The following CORO7 variants were observed in gnomAD, a reference collection of about 807,000 sequenced individuals.
CORO7 encodes the protein coronin-7.
A neutral mutation model predicts 126.6 loss-of-function variants in CORO7; 107 were observed. The observed-to-expected ratio is 0.85, with a 90% CI of 0.72 to 0.99. The LOEUF (loss-of-function observed/expected upper bound fraction) is 0.99. Among genes scored for constraint, CORO7 ranks in the 50% least tolerant of loss-of-function variants. CORO7 has a pLI of 0.00. For synonymous variants in CORO7, 603 were observed against 536.8 expected (o/e 1.12, Z -1.70); for missense variants, 1,314 against 1,255.8 (o/e 1.05, Z -0.70).
At chr16:4,405,670 C>G (rs2055972107) in intron 5 of CORO7, 103 bp from the exon 6 acceptor site, 2 of 1,413,866 alleles carry the variant, frequency 1.4e-6, no homozygotes, top group Non-Finnish European at 1.9e-6. Flanking sequence ...AAGGCAGCAG[C>G]TACGAGGGTC....
At chr16:4,384,788 G>A (rs912537652) in intron 9 of CORO7, among the ~76,000 whole-genome samples, 1 of 152,224 alleles carries the variant, frequency 6.6e-6, no homozygotes. Flanking sequence ...CAGCCCAGGT[G>A]GATTTCCTGT....
chr16:4,408,222 A>G lies in CORO7; in HGVS notation c.262T>C (p.Phe88Leu). Residue 88 changes from phenylalanine to leucine, a missense_variant, in exon 4 of 28, where the codon TTT (phenylalanine) becomes CTT (leucine). Coordinates refer to ENST00000251166, the MANE Select transcript of CORO7 (RefSeq NM_024535.5). ...CCTGTGGCCAGGAGGAAGTCATCAA[A>G]GGGCGAGAAGTCCAAGTCGGTGACT... ...DLVTDLDFSPFDDFLLATGSA... is the reference protein window; with the variant it reads ...DLVTDLDFSPLDDFLLATGSA... 1 of 1,614,224 alleles carries G rather than the reference A, an allele frequency of 6.2e-7. No homozygotes were observed.
intron 3 of CORO7, among the ~76,000 whole-genome samples, chr16:4,411,553 T>C (rs868272632): frequency 6.6e-6 from 1 of 152,134 alleles, no homozygotes; most frequent in African/African-American, 2.4e-5. Context: ...TTTTTAAAAA[T>C]TTTTTAAAAA....
intron 14 of CORO7, among the ~76,000 whole-genome samples, chr16:4,363,782 GC>G (rs1317766307): frequency 6.6e-6 from 1 of 151,844 alleles, no homozygotes; most frequent in Non-Finnish European, 1.5e-5. Context: ...ACTTTGGGAG[GC>G]CGAGGCGGGT....
chr16:4,356,806 A>T, intron 26 of CORO7: 1 of 263,744 alleles, frequency 3.8e-6, no homozygotes, highest in Non-Finnish European at 7.4e-6. Flanking sequence ...AAGAAGAGAC[A>T]GGGGGAGTAA....
At chr16:4,374,691 A>G (rs913023819) in intron 9 of CORO7, among the ~76,000 whole-genome samples, 4 of 152,138 alleles carry the variant, frequency 2.6e-5, no homozygotes, top group Non-Finnish European at 5.9e-5. Flanking sequence ...CCGCCTGCCC[A>G]TTGATCAGCT....
intron 7 of CORO7, among the ~76,000 whole-genome samples, chr16:4,389,056 C>T (rs1243576321): frequency 6.6e-6 from 1 of 152,198 alleles, no homozygotes; most frequent in African/African-American, 2.4e-5. Flanking sequence ...AAGGGGCTCA[C>T]GATGCGGTGC....
At chr16:4,356,073 C>A (rs2053968259) in intron 26 of CORO7, among the ~76,000 whole-genome samples, 1 of 152,028 alleles carries the variant, frequency 6.6e-6, no homozygotes, top group Admixed American at 6.6e-5. Flanking sequence ...CCTGCCTCAG[C>A]CTCCCAAGTA....
intron 21 of CORO7, among the ~76,000 whole-genome samples, chr16:4,359,879 G>T: frequency 8.3e-6 from 1 of 120,044 alleles, no homozygotes; most frequent in Non-Finnish European, 1.7e-5. Flanking sequence ...AGAGCCCCTT[G>T]TGCACCCCTG....
Position 4,365,000 on chromosome 16 carries a change from T to C in CORO7, c.898+3A>G. ...GGGATGGGGGCGAGGAAGCAAGGCT[T>C]ACCTGGGCTCAGCGCCGGCTGCTGC... is the stretch of plus-strand genomic sequence containing the variant. On this transcript the variant is annotated splice_donor_region_variant and intron_variant, in intron 11 of 27. Coordinates refer to ENST00000251166, the MANE Select transcript of CORO7 (RefSeq NM_024535.5). The C allele has an allele frequency of 1.2e-6, 2 of 1,606,224 alleles. No individual in the cohort carries two copies. The highest frequency in any genetic ancestry group is 1.7e-6 in the Non-Finnish European group (2 of 1,176,860).
At chr16:4,391,868 C>T (rs2055405020) in intron 7 of CORO7, among the ~76,000 whole-genome samples, 2 of 152,350 alleles carry the variant, frequency 1.3e-5, no homozygotes, top group South Asian at 2.1e-4. Flanking sequence ...CCACCTAGCT[C>T]TGAGAATAGG....
chr16:4,381,783 C>T (rs145395137), intron 9 of CORO7: 24 of 1,600,586 alleles, frequency 1.5e-5, no homozygotes, highest in Middle Eastern at 1.6e-4. Flanking sequence ...CCTTCAACTG[C>T]GTGTGCCCCC....
rs560139367 is a variant in CORO7, at chr16:4,388,720, C to T, written c.616-89G>A. On this transcript the variant is annotated intron_variant, in intron 7 of 27. Coordinates refer to ENST00000251166, the MANE Select transcript of CORO7 (RefSeq NM_024535.5). ...ATGGGCCTGAGCTGGGGAACTTCTGCTGCCCACCTGCCTGAAAGCCTCACA... is the reference window on the plus strand; with the variant it reads ...ATGGGCCTGAGCTGGGGAACTTCTGTTGCCCACCTGCCTGAAAGCCTCACA... 3.8e-4 allele frequency: 521 copies of T among 1,354,558 alleles called. 2 individuals carry two copies. In the African/African-American group the frequency reaches 6.9e-3, roughly 18 times the overall value. 83.9% of individuals were successfully genotyped at this position (1,354,558 alleles called of 1,614,324 possible).
intron 10 of CORO7, 38 bp downstream of exon 10, chr16:4,365,453 G>A: frequency 1.3e-6 from 2 of 1,553,476 alleles, no homozygotes; most frequent in Non-Finnish European, 1.7e-6. Context: ...TGGACTCCAG[G>A]CTGTGGATGT....
rs1308236939 is a variant in CORO7, at chr16:4,360,663, C to T, written c.1918-115G>A. On this transcript the variant is annotated intron_variant, in intron 19 of 27. Transcript: ENST00000251166. ...CCGCCCCTCCTCACTGCTGTTCCCG[C>T]CTCTCCTCACTGCTGGTCTTGCCTC... is the stretch of plus-strand genomic sequence containing the variant. 1.2e-5 allele frequency: 17 copies of T among 1,399,036 alleles called. No homozygotes were observed. The East Asian group carries it at 3.0e-4, about 25-fold the overall frequency. 86.7% of individuals were successfully genotyped at this position (1,399,036 alleles called of 1,614,324 possible).
At chr16:4,403,265 G>T (rs975607077) in intron 6 of CORO7, among the ~76,000 whole-genome samples, 2 of 152,088 alleles carry the variant, frequency 1.3e-5, no homozygotes, top group Non-Finnish European at 2.9e-5. Flanking sequence ...CAGTCAGGCC[G>T]CCCCCCACTC....
At chr16:4,392,280 G>A (rs1476000329) in intron 7 of CORO7, among the ~76,000 whole-genome samples, 1 of 152,054 alleles carries the variant, frequency 6.6e-6, no homozygotes, top group Non-Finnish European at 1.5e-5. Flanking sequence ...GGGGTCCTGG[G>A]GGTTCTGCAT....
In CORO7 at chr16:4,371,148, G is replaced by C. The variant is rs141392370; in HGVS notation, c.786-5603C>G. Reference sequence around the variant, plus strand: ...CTCAGGCTTGAAGCTGCCAGTAACTGTGGGGCCGTGGGCAGACCACCACTG... The same window carrying C: ...CTCAGGCTTGAAGCTGCCAGTAACTCTGGGGCCGTGGGCAGACCACCACTG... On this transcript the variant is annotated intron_variant, in intron 9 of 27. Transcript: ENST00000251166. Among the ~76,000 whole-genome samples the C allele has an allele frequency of 1.5e-3, 222 of 152,334 alleles. 1 individual carries two copies. The highest frequency in any genetic ancestry group is 5.1e-3 in the African/African-American group (212 of 41,582).
At chr16:4,412,102 G>A (rs925762995) in intron 3 of CORO7, among the ~76,000 whole-genome samples, 6 of 151,892 alleles carry the variant, frequency 4.0e-5, no homozygotes, top group African/African-American at 7.3e-5. Context: ...CTGGAGCCTG[G>A]GGCGGCCACT....
Sources: gnomAD v4.1 joint callset for allele counts (sites outside exome capture counted in the v4.1 genomes callset) on GRCh38, gnomAD v4.1.1 for gene constraint, MANE v1.5 for transcripts, NCBI Gene and HGNC (gene_info 2026-07-23, HGNC 2026-07-21) for gene names.